SYT17: variants seen among roughly 807,000 people sequenced by gnomAD.
SYT17 encodes synaptotagmin 17.
SYT17 carries 22 observed loss-of-function variants against 46.7 expected under a neutral mutation model. The observed-to-expected ratio is 0.47, with a 90% CI of 0.34 to 0.67. The LOEUF (loss-of-function observed/expected upper bound fraction) is 0.67, where lower values mean the gene tolerates loss of function less well. Ranked by LOEUF, SYT17 falls within the 30% of genes least tolerant of loss-of-function variation. The pLI is 0.01. For missense variants in SYT17, 519 were observed against 612.8 expected (o/e 0.85, Z 1.62); for synonymous variants, 251 against 248.4 (o/e 1.01, Z -0.10).
At chr16:19,244,228 C>T (rs1425638689) in intron 7 of SYT17, among the ~76,000 whole-genome samples, 1 of 152,218 alleles carries the variant, frequency 6.6e-6, no homozygotes, top group African/African-American at 2.4e-5. Context: ...ATATGACTCA[C>T]TACAAAGCTA....
chr16:19,197,922 C>T (rs1965316578), intron 5 of SYT17, among the ~76,000 whole-genome samples: 2 of 152,260 alleles, frequency 1.3e-5, no homozygotes, highest in African/African-American at 2.4e-5. Context: ...TTCTTTACCC[C>T]ACAAGGGAGG....
intron 6 of SYT17, among the ~76,000 whole-genome samples, chr16:19,224,459 G>T (rs1362371131): frequency 6.6e-6 from 1 of 152,162 alleles, no homozygotes; most frequent in Non-Finnish European, 1.5e-5. Flanking sequence ...AAAGTATGGT[G>T]AGATGATGAA....
intron 7 of SYT17, among the ~76,000 whole-genome samples, chr16:19,237,481 A>G (rs1269222172): frequency 3.9e-5 from 6 of 152,198 alleles, no homozygotes; most frequent in African/African-American, 9.6e-5. Flanking sequence ...TACCATTGCC[A>G]TGGCAACACC....
At chr16:19,207,295 T>C (rs1471354747) in intron 5 of SYT17, among the ~76,000 whole-genome samples, 1 of 152,176 alleles carries the variant, frequency 6.6e-6, no homozygotes, top group Non-Finnish European at 1.5e-5. Context: ...TATTCTTCTA[T>C]AGCAATGCAA....
chr16:19,224,373 T>G (rs1010735943), intron 6 of SYT17, among the ~76,000 whole-genome samples: 1 of 151,850 alleles, frequency 6.6e-6, no homozygotes, highest in African/African-American at 2.4e-5. Context: ...AATGGGAAAA[T>G]GGATGGATAA....
rs1246457571 is a variant in SYT17 at position 19,267,169 on chromosome 16, C to T, written c.*93C>T. 13 of 1,151,082 alleles carry T rather than the reference C, an allele frequency of 1.1e-5. No homozygotes were observed. Among genetic ancestry groups the T allele is most frequent in the Non-Finnish European group, 2.4e-6 (2 of 838,238 alleles). The allele number at this position is 1,151,082 out of a possible 1,614,324, so 71.3% of individuals were successfully genotyped here. A position where few individuals can be genotyped will look rare whatever the true frequency, so the allele number is the denominator to read the frequency against. The stretch of plus-strand genomic sequence containing the variant: ...ATACTATTACATCCACACCTGCATA[C>T]ACACTCGCAACATGTCTACACACGT... On this transcript the variant is annotated 3_prime_UTR_variant, in exon 8 of 8. Coordinates refer to ENST00000355377, the MANE Select transcript of SYT17 (RefSeq NM_016524.4).
At chr16:19,256,802 T>C (rs926990485) in intron 7 of SYT17, among the ~76,000 whole-genome samples, 2 of 152,066 alleles carry the variant, frequency 1.3e-5, no homozygotes, top group African/African-American at 4.8e-5. Context: ...GGTCTTGAAT[T>C]CCTGGGCTCA....
intron 5 of SYT17, among the ~76,000 whole-genome samples, chr16:19,191,133 G>A (rs1203162793): frequency 1.3e-5 from 2 of 151,744 alleles, no homozygotes; most frequent in East Asian, 3.9e-4. Flanking sequence ...GGCTCATCCA[G>A]TATTCCTAAA....
At chr16:19,222,793 T>A (rs569973865) in intron 5 of SYT17, among the ~76,000 whole-genome samples, 71 of 152,324 alleles carry the variant, frequency 4.7e-4, no homozygotes, top group African/African-American at 1.3e-3. Context: ...AAGCATTTTT[T>A]AAAAAATTAT....
chr16:19,222,265 G>T (rs536694531), intron 5 of SYT17, among the ~76,000 whole-genome samples: 2 of 152,038 alleles, frequency 1.3e-5, no homozygotes, highest in African/African-American at 4.8e-5. Context: ...CTAGTCTATT[G>T]TTTTGTATAT....
intron 5 of SYT17, among the ~76,000 whole-genome samples, chr16:19,214,138 G>C (rs1002894463): frequency 1.4e-4 from 21 of 152,156 alleles, no homozygotes; most frequent in African/African-American, 4.6e-4. Flanking sequence ...GTCCCTGGAG[G>C]TGGCAGCAGA....
At chr16:19,209,527 G>A (rs934205558) in intron 5 of SYT17, among the ~76,000 whole-genome samples, 2 of 152,138 alleles carry the variant, frequency 1.3e-5, no homozygotes, top group African/African-American at 4.8e-5. Context: ...AATGCAGCTT[G>A]TCAGCCTCAC....
At position 19,267,126 on chromosome 16, in the gene SYT17, C is replaced by T. The variant is rs779840906; in HGVS notation, c.*50C>T. The T allele has an allele frequency of 1.3e-4, 122 of 904,182 alleles. No individual in the cohort carries two copies. The highest frequency in any genetic ancestry group is 2.1e-4 in the Admixed American group (7 of 33,644). The allele number at this position is 904,182 out of a possible 1,614,324, so 56.0% of individuals were successfully genotyped here. ...TTTGTTTAAAAAAAAAAAAAAAAGA[C>T]GGAAAAAAATGTGTCACATACTATT... is the stretch of plus-strand genomic sequence containing the variant. On this transcript the variant is annotated 3_prime_UTR_variant, in exon 8 of 8. Coordinates refer to ENST00000355377, the MANE Select transcript of SYT17 (RefSeq NM_016524.4).
At chr16:19,204,510 G>C (rs1200701365) in intron 5 of SYT17, among the ~76,000 whole-genome samples, 4 of 152,056 alleles carry the variant, frequency 2.6e-5, no homozygotes, top group Non-Finnish European at 5.9e-5. Context: ...GAGACAGGAG[G>C]AGCAGGTGAG....
At position 19,184,015 on chromosome 16, in the gene SYT17, C is replaced by T. The variant is rs1332094385; in HGVS notation, c.819C>T (p.Thr273=). The T allele has an allele frequency of 7.4e-6, 12 of 1,613,946 alleles. No individual in the cohort carries two copies. In the East Asian group the frequency reaches 1.8e-4, roughly 24 times the overall value. ...CCTTCCTGGAGGCCCAGAGGAGGACCCTGCTCCTGACCGTGGTGGATTTTG... is the reference window on the plus strand; with the variant it reads ...CCTTCCTGGAGGCCCAGAGGAGGACTCTGCTCCTGACCGTGGTGGATTTTG... ...EIPFLEAQRR[T]LLLTVVDFDK... Residue 273 remains threonine (T), a synonymous_variant, in exon 5 of 8, where the codon ACC becomes ACT. Transcript: ENST00000355377.
chr16:19,239,572 A>G (rs7192499), intron 7 of SYT17, among the ~76,000 whole-genome samples: 109,042 of 152,118 alleles, frequency 0.72, 40,346 homozygotes, highest in East Asian at 0.99. Flanking sequence ...CGGTAATAAC[A>G]GCAAACACTT....
intron 6 of SYT17, among the ~76,000 whole-genome samples, chr16:19,223,508 G>C (rs146892536): frequency 9.9e-4 from 151 of 152,306 alleles, no homozygotes; most frequent in African/African-American, 3.6e-3. Context: ...TTTTTCGCCA[G>C]CTCATTTCAT....
chr16:19,174,764 G>A (rs1964247322), intron 3 of SYT17, among the ~76,000 whole-genome samples: 1 of 142,162 alleles, frequency 7.0e-6, no homozygotes, highest in African/African-American at 2.5e-5. Flanking sequence ...GGGAGTCAAT[G>A]AATTTGGAAT....
chr16:19,245,836 G>A (rs955165705), intron 7 of SYT17, among the ~76,000 whole-genome samples: 7 of 152,118 alleles, frequency 4.6e-5, no homozygotes, highest in East Asian at 1.9e-4. Context: ...ACCTGAATGC[G>A]GTGACGTGAA....
Sources: allele counts gnomAD v4.1 joint callset (sites outside exome capture counted in the v4.1 genomes callset), GRCh38; gene constraint gnomAD v4.1.1; transcripts MANE v1.5; gene names NCBI Gene and HGNC (gene_info 2026-07-23, HGNC 2026-07-21).